The following HELLS variants were observed in gnomAD, a reference collection of about 807,000 sequenced individuals.
HELLS encodes helicase, lymphoid specific.
Under a neutral mutation model 120.0 loss-of-function variants are expected in HELLS, and 32 were observed. The observed-to-expected ratio is 0.27, with a 90% CI of 0.20 to 0.36. HELLS has a LOEUF of 0.36. Ranked by LOEUF, HELLS falls within the 10% of genes least tolerant of loss-of-function variation. The pLI, the probability that HELLS is intolerant of heterozygous loss-of-function variation, is 1.00. For synonymous variants in HELLS, 341 were observed against 323.4 expected, an observed-to-expected ratio of 1.05 and a Z score of -0.58; for missense variants, 650 against 993.4, an observed-to-expected ratio of 0.65 and a Z score of 4.65.
intron 10 of HELLS, 95 bp from the exon 11 acceptor site, chr10:94,581,231 C>T (rs1844852929): frequency 1.6e-6 from 1 of 640,002 alleles, no homozygotes; most frequent in Non-Finnish European, 2.6e-6. Flanking sequence ...AATTCAACAT[C>T]CATCCCTCAT....
intron 21 of HELLS, among the ~76,000 whole-genome samples, chr10:94,598,176 T>C (rs1845836161): frequency 6.6e-6 from 1 of 152,216 alleles, no homozygotes; most frequent in African/African-American, 2.4e-5. Flanking sequence ...GTTGCATCTG[T>C]ATGGTGGAGA....
chr10:94,550,445 A>AT (rs1300415664), intron 2 of HELLS, among the ~76,000 whole-genome samples: 1 of 151,564 alleles, frequency 6.6e-6, no homozygotes, highest in Non-Finnish European at 1.5e-5. Context: ...CGCCCAGCTA[A>AT]TTTTTTTTGT....
At chr10:94,583,109 A>G (rs1844956088) in intron 12 of HELLS, 50 bp downstream of exon 12, 1 of 1,034,710 alleles carries the variant, frequency 9.7e-7, no homozygotes, top group Non-Finnish European at 1.4e-6. Flanking sequence ...ATAGAGTATA[A>G]AAGGAACTCT....
chr10:94,561,681 G>C (rs914977630), intron 4 of HELLS, among the ~76,000 whole-genome samples: 1 of 152,004 alleles, frequency 6.6e-6, no homozygotes, highest in Non-Finnish European at 1.5e-5. Context: ...TGCCCAAGCT[G>C]GTCTTGTACT....
chr10:94,546,536 T>C, intron 2 of HELLS, 38 bp downstream of exon 2: 1 of 1,612,390 alleles, frequency 6.2e-7, no homozygotes, highest in Admixed American at 1.7e-5. Context: ...TGAAAGCCTG[T>C]GGTAACCTCG....
intron 11 of HELLS, among the ~76,000 whole-genome samples, chr10:94,582,329 A>G (rs1325330860): frequency 2.0e-5 from 3 of 152,198 alleles, no homozygotes; most frequent in African/African-American, 4.8e-5. Flanking sequence ...TACAGTGTCA[A>G]GGTAGGAGTT....
At chr10:94,596,667 C>T (rs1845755216) in intron 19 of HELLS, among the ~76,000 whole-genome samples, 193 bp from the exon 20 acceptor site, 1 of 152,146 alleles carries the variant, frequency 6.6e-6, no homozygotes, top group East Asian at 1.9e-4. Context: ...CTGGAAACTA[C>T]CAGCCTTTTC....
chr10:94,568,106 C>T (rs1026284689), intron 6 of HELLS, among the ~76,000 whole-genome samples: 3 of 151,774 alleles, frequency 2.0e-5, no homozygotes, highest in African/African-American at 4.8e-5. Context: ...GATGGAGTTT[C>T]ACCATTTTGG....
chr10:94,548,952 TC>T, intron 2 of HELLS, among the ~76,000 whole-genome samples: 1 of 151,992 alleles, frequency 6.6e-6, no homozygotes, highest in Non-Finnish European at 1.5e-5. Context: ...CGAGATGGCA[TC>T]ACTGCACTCC....
chr10:94,599,325 C>G (rs1479000487), intron 21 of HELLS, among the ~76,000 whole-genome samples: 1 of 152,060 alleles, frequency 6.6e-6, no homozygotes, highest in Non-Finnish European at 1.5e-5. Context: ...ATACCAAAAA[C>G]CAACTTGCCA....
exon 10 of HELLS, chr10:94,613,644 G>GT (rs1329405001): frequency 1.3e-5 from 2 of 151,878 alleles, no homozygotes; most frequent in African/African-American, 2.4e-5. Flanking sequence ...TTAACTGAAG[G>GT]TTTTCTTAGA....
rs111506012 is a variant in HELLS at position 94,554,655 on chromosome 10, T to G, written c.276+407T>G. ...TTCAAAGTAATAGTGTTTTTTTTTT[T>G]GTTTTTTTTTTTTTAATGCTAATGA... is the stretch of plus-strand genomic sequence containing the variant. On this transcript the variant is annotated intron_variant, in intron 3 of 21. Coordinates refer to ENST00000348459, the MANE Select transcript of HELLS (RefSeq NM_018063.5). 4.4e-5 allele frequency among the ~76,000 whole-genome samples: 6 copies of G among 135,676 alleles called. 1 individual carries two copies. The South Asian group carries it at 1.0e-3, about 23-fold the overall frequency. 89.0% of individuals were successfully genotyped at this position (135,676 alleles called of 152,430 possible).
In HELLS at chr10:94,581,367, G is replaced by A. The variant is rs1480070636; in HGVS notation, c.1074G>A (p.Arg358=). 6.2e-7 allele frequency: 1 copy of A among 1,609,416 alleles called. No individual in the cohort carries two copies. The highest frequency in any genetic ancestry group is 1.3e-5 in the African/African-American group (1 of 74,770). Residue 358 remains arginine (R), a synonymous_variant, in exon 11 of 22, where the codon AGG becomes AGA. Coordinates refer to ENST00000348459, the MANE Select transcript of HELLS (RefSeq NM_018063.5). ...WKYLIVDEGH[R]IKNMKCRLIR... is the part of the protein sequence containing the mutation. ...ACTTAATAGTAGATGAAGGACACAG[G>A]ATTAAGAATATGAAGTGCCGTCTAA... is the stretch of plus-strand genomic sequence containing the variant.
At chr10:94,570,341 T>C (rs535300204) in intron 6 of HELLS, 1 of 152,324 alleles carries the variant, frequency 6.6e-6, no homozygotes, top group Non-Finnish European at 1.5e-5. Context: ...TCATTTTATC[T>C]AGTCATTTTA....
chr10:94,592,155 T>G, intron 15 of HELLS, 74 bp from the exon 16 acceptor site: 1 of 1,173,492 alleles, frequency 8.5e-7, no homozygotes. Context: ...AATTGAACTT[T>G]CCAAATGGCT....
downstream of HELLS, among the ~76,000 whole-genome samples, chr10:94,604,149 C>G (rs1203400912): frequency 3.1e-5 from 4 of 127,680 alleles, no homozygotes; most frequent in Non-Finnish European, 6.5e-5. Flanking sequence ...TTTTTATAAA[C>G]AGTTTCACTT....
chr10:94,549,822 C>A (rs1283283323), intron 2 of HELLS, among the ~76,000 whole-genome samples: 4 of 152,064 alleles, frequency 2.6e-5, no homozygotes, highest in Non-Finnish European at 5.9e-5. Context: ...ATACAGAAGA[C>A]CAGGTTTAAG....
At chr10:94,577,857 C>G (rs988970939) in intron 10 of HELLS, among the ~76,000 whole-genome samples, 17 of 151,826 alleles carry the variant, frequency 1.1e-4, no homozygotes, top group South Asian at 2.1e-4. Flanking sequence ...GTCAGGATAT[C>G]GAGACCATCC....
At chr10:94,597,319 T>C (rs1487630484) in intron 21 of HELLS, among the ~76,000 whole-genome samples, 1 of 152,170 alleles carries the variant, frequency 6.6e-6, no homozygotes, top group Non-Finnish European at 1.5e-5. Context: ...AATTCAGATA[T>C]TTTCTGTAAA....
Sources: allele counts gnomAD v4.1 joint callset (sites outside exome capture counted in the v4.1 genomes callset), GRCh38; gene constraint gnomAD v4.1.1; transcripts MANE v1.5; gene names NCBI Gene and HGNC (gene_info 2026-07-23, HGNC 2026-07-21).